VTI1A: variants seen among roughly 807,000 people sequenced by gnomAD.
The protein encoded by VTI1A is vesicle transport through interaction with t-SNAREs 1A, also known as vesicle transport through interaction with t-SNAREs homolog 1A.
Under a neutral mutation model 34.9 loss-of-function variants are expected in VTI1A, and 22 were observed. The observed-to-expected ratio is 0.63, with a 90% CI of 0.45 to 0.90. The LOEUF (loss-of-function observed/expected upper bound fraction) is 0.90, where lower values mean the gene tolerates loss of function less well. Among genes scored for constraint, VTI1A ranks in the 40% least tolerant of loss-of-function variants. VTI1A has a pLI of 0.00. For missense variants in VTI1A, 268 were observed against 275.6 expected (o/e 0.97, Z 0.20); for synonymous variants, 87 against 97.3 (o/e 0.89, Z 0.62).
intron 5 of VTI1A, among the ~76,000 whole-genome samples, chr10:112,651,598 C>A (rs1564867152): frequency 6.6e-6 from 1 of 152,284 alleles, no homozygotes; most frequent in African/African-American, 2.4e-5. Context: ...CGTAAGCCAC[C>A]GTGCCTGGCC....
intron 7 of VTI1A, among the ~76,000 whole-genome samples, chr10:112,777,011 A>G (rs1851972859): frequency 6.6e-6 from 1 of 152,110 alleles, no homozygotes; most frequent in Admixed American, 6.6e-5. Flanking sequence ...ATTTTTCTTG[A>G]GGCTTGCTTA....
chr10:112,803,359 C>A (rs1274500654), intron 7 of VTI1A, among the ~76,000 whole-genome samples: 2 of 152,250 alleles, frequency 1.3e-5, no homozygotes, highest in Non-Finnish European at 2.9e-5. Flanking sequence ...TGAGCCACTG[C>A]ACCCAGCCTC....
At chr10:112,765,708 T>A (rs978810196) in intron 7 of VTI1A, among the ~76,000 whole-genome samples, 1 of 152,202 alleles carries the variant, frequency 6.6e-6, no homozygotes, top group Non-Finnish European at 1.5e-5. Flanking sequence ...TGATGACTGT[T>A]ATGAAGGAGA....
At chr10:112,521,832 T>A (rs540744701) in intron 3 of VTI1A, among the ~76,000 whole-genome samples, 15 of 152,210 alleles carry the variant, frequency 9.9e-5, no homozygotes, top group Non-Finnish European at 1.9e-4. Context: ...CAAAAATTCA[T>A]AAGTTCCATT....
At chr10:112,823,701 G>C (rs72824074), downstream of VTI1A, 6 of 152,308 alleles carry the variant, frequency 3.9e-5, no homozygotes, top group Admixed American at 1.3e-4. Flanking sequence ...AAATGCAGCC[G>C]CATGTTCCGC....
intron 7 of VTI1A, among the ~76,000 whole-genome samples, chr10:112,758,661 G>A (rs1307205838): frequency 6.6e-6 from 1 of 152,238 alleles, no homozygotes; most frequent in African/African-American, 2.4e-5. Context: ...TCACCACTTT[G>A]TGGCCTTGGG....
intron 5 of VTI1A, among the ~76,000 whole-genome samples, chr10:112,590,098 T>G (rs986113878): frequency 6.6e-6 from 1 of 152,336 alleles, no homozygotes. Context: ...CATGGTTTAC[T>G]CTTCTACCCA....
At chr10:112,853,873 A>G in the VTI1A span, among the ~76,000 whole-genome samples, 1 of 152,108 alleles carries the variant, frequency 6.6e-6, no homozygotes, top group African/African-American at 2.4e-5. Flanking sequence ...TCAGACTGCC[A>G]CTGATTTTGT....
intron 7 of VTI1A, among the ~76,000 whole-genome samples, chr10:112,718,507 T>C (rs142494093): frequency 6.6e-6 from 1 of 152,370 alleles, no homozygotes; most frequent in East Asian, 1.9e-4. Context: ...CTTTAATTCT[T>C]GTTTTTACAC....
In VTI1A at chr10:112,811,716, T is replaced by G. The variant is rs1463473783; in HGVS notation, c.561-3574T>G. ...AAAAAAAAAAAAAAAAAAAAAAGAG[T>G]GCAGTCCATGCCTGGAAGTAGAGGA... is the stretch of plus-strand genomic sequence containing the variant. On this transcript the variant is annotated intron_variant, in intron 7 of 7. Transcript: ENST00000393077. Among the ~76,000 whole-genome samples the G allele has an allele frequency of 2.3e-3, 167 of 72,314 alleles. 22 individuals carry two copies. Among genetic ancestry groups the G allele is most frequent in the Middle Eastern group, 0.01 (1 of 96 alleles). The allele number at this position is 72,314 out of a possible 152,430, so 47.4% of individuals were successfully genotyped here.
chr10:112,523,531 C>G (rs1288461030), intron 3 of VTI1A, among the ~76,000 whole-genome samples: 1 of 152,020 alleles, frequency 6.6e-6, no homozygotes, highest in Non-Finnish European at 1.5e-5. Context: ...CACAAACACA[C>G]AATTAAAAGT....
At chr10:112,456,435 AAAAAAAG>A (rs1847528360) in intron 1 of VTI1A, among the ~76,000 whole-genome samples, 1 of 151,794 alleles carries the variant, frequency 6.6e-6, no homozygotes, top group East Asian at 1.9e-4. Context: ...AAAAAAAAAA[AAAAAAAG>A]AGGAAACTGT....
chr10:112,605,054 A>G (rs1421051712), intron 5 of VTI1A, among the ~76,000 whole-genome samples: 1 of 152,158 alleles, frequency 6.6e-6, no homozygotes, highest in Non-Finnish European at 1.5e-5. Context: ...CTTTTTCCCC[A>G]CAGAGAGGTT....
chr10:112,489,351 A>T (rs1564797632), intron 3 of VTI1A, among the ~76,000 whole-genome samples: 1 of 152,128 alleles, frequency 6.6e-6, no homozygotes, highest in Non-Finnish European at 1.5e-5. Flanking sequence ...GCTGTTTCTC[A>T]TCCTACTCTA....
chr10:112,703,066 C>A (rs1264622838), intron 7 of VTI1A, among the ~76,000 whole-genome samples: 3 of 151,982 alleles, frequency 2.0e-5, no homozygotes, highest in Non-Finnish European at 2.9e-5. Flanking sequence ...GATAAATCTG[C>A]CTTGGTTACA....
intron 7 of VTI1A, among the ~76,000 whole-genome samples, chr10:112,706,497 G>A (rs7073681): frequency 0.07 from 10,593 of 152,028 alleles, 891 homozygotes; most frequent in African/African-American, 0.2. Flanking sequence ...TACCTACTTC[G>A]GTCTCTGTAC....
the VTI1A span, among the ~76,000 whole-genome samples, chr10:112,847,570 A>G: frequency 6.6e-6 from 1 of 152,200 alleles, no homozygotes; most frequent in Non-Finnish European, 1.5e-5. Flanking sequence ...GAGCCACTGA[A>G]TCACTCAACC....
intron 5 of VTI1A, among the ~76,000 whole-genome samples, chr10:112,571,374 A>G (rs1382747350): frequency 6.6e-6 from 1 of 152,220 alleles, no homozygotes; most frequent in African/African-American, 2.4e-5. Context: ...CCATCTTGGG[A>G]TGCCTTAAAA....
intron 7 of VTI1A, among the ~76,000 whole-genome samples, chr10:112,687,796 A>C (rs1441147220): frequency 6.6e-6 from 1 of 152,094 alleles, no homozygotes; most frequent in African/African-American, 2.4e-5. Context: ...TGATTTCATC[A>C]GCATGACTAA....
Sources: allele counts gnomAD v4.1 joint callset (sites outside exome capture counted in the v4.1 genomes callset), GRCh38; gene constraint gnomAD v4.1.1; transcripts MANE v1.5; gene names NCBI Gene and HGNC (gene_info 2026-07-23, HGNC 2026-07-21).